HSD17B12: variants seen among roughly 807,000 people sequenced by gnomAD.
HSD17B12 encodes the protein very-long-chain 3-oxoacyl-CoA reductase.
HSD17B12 carries 32 observed loss-of-function variants against 39.3 expected under a neutral mutation model. The ratio of observed to expected loss-of-function variants is 0.81; its 90% CI spans 0.61 to 1.09. The LOEUF is 1.09. HSD17B12 is among the 50% of genes least tolerant of loss of function. HSD17B12 has a pLI of 0.00. For missense variants in HSD17B12, 342 were observed against 382.9 expected (o/e 0.89, Z 0.89); for synonymous variants, 150 against 146.7 (o/e 1.02, Z -0.16).
chr11:43,844,501 T>C (rs983120554), intron 9 of HSD17B12, among the ~76,000 whole-genome samples: 9 of 151,930 alleles, frequency 5.9e-5, no homozygotes, highest in Admixed American at 4.6e-4. Context: ...AACCTTATCA[T>C]AAGTGTAGTC....
At chr11:43,624,850 C>A in the HSD17B12 span, among the ~76,000 whole-genome samples, 2 of 151,540 alleles carry the variant, frequency 1.3e-5, no homozygotes, top group Non-Finnish European at 3.0e-5. Context: ...GAAATTCATT[C>A]ATGCCAGAAA....
chr11:43,754,173 G>C, intron 3 of HSD17B12, 52 bp downstream of exon 3: 1 of 1,223,084 alleles, frequency 8.2e-7, no homozygotes, highest in Non-Finnish European at 1.2e-6. Context: ...ATGTTTTCAA[G>C]CAGTTATCCG....
chr11:43,838,274 A>T, intron 7 of HSD17B12, 43 bp from the exon 8 acceptor site: 1 of 1,272,726 alleles, frequency 7.9e-7, no homozygotes, highest in Non-Finnish European at 1.2e-6. Context: ...ACAACTGCAT[A>T]CTGTGGCTTC....
the HSD17B12 span, among the ~76,000 whole-genome samples, chr11:43,647,292 C>T: frequency 2.6e-5 from 4 of 151,846 alleles, no homozygotes; most frequent in African/African-American, 7.3e-5. Context: ...TTTATTTTTT[C>T]GGAGACAGGG....
At chr11:43,799,492 T>G (rs1413308602) in intron 4 of HSD17B12, among the ~76,000 whole-genome samples, 1 of 152,142 alleles carries the variant, frequency 6.6e-6, no homozygotes, top group Non-Finnish European at 1.5e-5. Context: ...TGGAAACAAT[T>G]CAGAAAATTG....
the HSD17B12 span, among the ~76,000 whole-genome samples, chr11:43,633,201 A>T: frequency 1.3e-5 from 2 of 152,272 alleles, no homozygotes; most frequent in Admixed American, 6.5e-5. Flanking sequence ...TGTTTCCTTA[A>T]CTAGCTCAGT....
At chr11:43,711,042 C>G (rs1452897311) in intron 1 of HSD17B12, among the ~76,000 whole-genome samples, 2 of 152,204 alleles carry the variant, frequency 1.3e-5, no homozygotes, top group Non-Finnish European at 2.9e-5. Flanking sequence ...ATCCACCCAC[C>G]TTAGCTTCCC....
the HSD17B12 span, among the ~76,000 whole-genome samples, chr11:43,560,348 G>T: frequency 6.6e-6 from 1 of 152,170 alleles, no homozygotes; most frequent in East Asian, 1.9e-4. Flanking sequence ...GCTATGGATT[G>T]CTCTATCTTC....
intron 9 of HSD17B12, among the ~76,000 whole-genome samples, chr11:43,841,861 A>G (rs1951429845): frequency 6.6e-6 from 1 of 152,192 alleles, no homozygotes. Flanking sequence ...TGATCGATCA[A>G]AATAATAATA....
intron 4 of HSD17B12, among the ~76,000 whole-genome samples, chr11:43,801,977 ATT>A (rs376286348): frequency 3.1e-4 from 46 of 149,014 alleles, no homozygotes; most frequent in Admixed American, 1.3e-3. Flanking sequence ...GATGAAGTTA[ATT>A]TTTTTTTTTT....
chr11:43,689,264 C>T (rs914322353), intron 1 of HSD17B12, among the ~76,000 whole-genome samples: 5 of 152,182 alleles, frequency 3.3e-5, no homozygotes, highest in African/African-American at 7.2e-5. Flanking sequence ...TAGGAAATCC[C>T]GTTGACTCTG....
chr11:43,629,824 G>A, the HSD17B12 span, among the ~76,000 whole-genome samples: 1 of 152,306 alleles, frequency 6.6e-6, no homozygotes, highest in African/African-American at 2.4e-5. Context: ...CTGTTAAGTA[G>A]GGAGGATGCA....
At chr11:43,815,571 A>C in intron 5 of HSD17B12, 70 bp downstream of exon 5, 1 of 931,062 alleles carries the variant, frequency 1.1e-6, no homozygotes, top group Non-Finnish European at 1.7e-6. Context: ...GATTCACACT[A>C]TGACACTGGA....
chr11:43,761,121 C>T (rs1409699206), intron 3 of HSD17B12, among the ~76,000 whole-genome samples: 1 of 152,168 alleles, frequency 6.6e-6, no homozygotes, highest in Non-Finnish European at 1.5e-5. Context: ...AGCATTGTTT[C>T]CACATAAGAG....
At chr11:43,706,507 C>T (rs1224481274) in intron 1 of HSD17B12, among the ~76,000 whole-genome samples, 5 of 152,172 alleles carry the variant, frequency 3.3e-5, no homozygotes, top group Admixed American at 6.5e-5. Flanking sequence ...CACATCACTG[C>T]ACTCTAGCCT....
chr11:43,760,149 C>T (rs935146158), intron 3 of HSD17B12, among the ~76,000 whole-genome samples: 5 of 152,136 alleles, frequency 3.3e-5, no homozygotes, highest in East Asian at 1.9e-4. Context: ...CCACCCACCT[C>T]GGCCTGCCAA....
chr11:43,734,222 G>GCAGC lies in HSD17B12; in HGVS notation c.161-16686_161-16683dup, dbSNP rs565598509. ...GGTGAGCGACGACCTTACGGAGCGA[G>GCAGC]CAGCCACCTTTGGGTTCATCCTGGA... On this transcript the variant is annotated intron_variant, in intron 1 of 10. Coordinates refer to ENST00000278353, the MANE Select transcript of HSD17B12 (RefSeq NM_016142.3). The GCAGC allele has an allele frequency of 1.9e-4, 285 of 1,529,210 alleles. 3 individuals carry two copies. The East Asian group carries it at 5.3e-3, about 28-fold the overall frequency. The allele number at this position is 1,529,210 out of a possible 1,614,324, so 94.7% of individuals were successfully genotyped here.
intron 1 of HSD17B12, among the ~76,000 whole-genome samples, chr11:43,693,860 C>T (rs927345689): frequency 2.0e-5 from 3 of 152,178 alleles, no homozygotes; most frequent in Admixed American, 6.5e-5. Context: ...CCTGTAGAAG[C>T]AGTACTCATA....
At chr11:43,787,732 G>A (rs1039183771) in intron 3 of HSD17B12, among the ~76,000 whole-genome samples, 9 of 132,912 alleles carry the variant, frequency 6.8e-5, no homozygotes, top group Non-Finnish European at 1.2e-4. Context: ...GCAAGACTCC[G>A]TCTCGGAAAA....
Sources: gnomAD v4.1 joint callset for allele counts (sites outside exome capture counted in the v4.1 genomes callset) on GRCh38, gnomAD v4.1.1 for gene constraint, MANE v1.5 for transcripts, NCBI Gene and HGNC (gene_info 2026-07-23, HGNC 2026-07-21) for gene names.